Variants in MMEL1 observed in about 807,000 individuals in gnomAD.
The protein encoded by MMEL1 is membrane metalloendopeptidase like 1, also known as membrane metallo-endopeptidase-like 1.
MMEL1 carries 98 observed loss-of-function variants against 117.1 expected under a neutral mutation model. The observed-to-expected ratio is 0.84, with a 90% confidence interval of 0.71 to 0.99. The LOEUF (loss-of-function observed/expected upper bound fraction) is 0.99, where lower values mean the gene tolerates loss of function less well. Ranked by LOEUF, MMEL1 falls within the 50% of genes least tolerant of loss-of-function variation. The pLI is 0.00. For synonymous variants in MMEL1, 390 were observed against 415.1 expected (o/e 0.94, Z 0.74); for missense variants, 1,014 against 1,049.1 (o/e 0.97, Z 0.46).
chr1:2,604,033 C>T, intron 10 of MMEL1, 60 bp from the exon 11 acceptor site: 2 of 1,595,722 alleles, frequency 1.3e-6, no homozygotes, highest in Admixed American at 3.4e-5. Context: ...GGGCTCCTGG[C>T]CCAGTCCCTG....
chr1:2,614,234 C>T (rs999207065), intron 2 of MMEL1, among the ~76,000 whole-genome samples: 1 of 152,164 alleles, frequency 6.6e-6, no homozygotes, highest in Non-Finnish European at 1.5e-5. Context: ...AGACTCAAGA[C>T]AAATGTATAA....
rs1250158428 is a variant in MMEL1 at position 2,607,018 on chromosome 1, A to G, written c.587T>C (p.Val196Ala). 3 of 1,613,378 alleles carry G rather than the reference A, an allele frequency of 1.9e-6. No individual in the cohort carries two copies. The highest frequency in any genetic ancestry group is 1.1e-5 in the South Asian group (1 of 91,076). ...GTCCATCGCCACCGGCCAGCCTCCCACCACCTCCAAGATGTCCAGCAGGGG... is the reference window on the plus strand; with the variant it reads ...GTCCATCGCCACCGGCCAGCCTCCCGCCACCTCCAAGATGTCCAGCAGGGG... ...SQPLLDILEV[V>A]GGWPVAMDRW... The change falls in exon 7 of 24, where the codon GTG (valine) becomes GCG (alanine). Residue 196 changes from valine (V) to alanine (A), a missense_variant. By Grantham distance (64) the Val-to-Ala change is moderately conservative (BLOSUM62 0). Transcript: ENST00000378412.
At chr1:2,623,212 G>T (rs547005395) in intron 2 of MMEL1, among the ~76,000 whole-genome samples, 43 of 152,132 alleles carry the variant, frequency 2.8e-4, no homozygotes, top group Middle Eastern at 3.4e-3. Flanking sequence ...ATGTGAACAG[G>T]GTGGGTAGTG....
intron 5 of MMEL1, 87 bp downstream of exon 5, chr1:2,609,582 AG>A (rs752690762): frequency 2.7e-4 from 417 of 1,545,714 alleles, no homozygotes; most frequent in Admixed American, 5.1e-4. Flanking sequence ...AAGCACAAAC[AG>A]GGGCGAGACA....
intron 4 of MMEL1, among the ~76,000 whole-genome samples, chr1:2,610,538 G>C (rs1645108298): frequency 6.6e-6 from 1 of 152,172 alleles, no homozygotes; most frequent in African/African-American, 2.4e-5. Flanking sequence ...TTTCTGTTCT[G>C]ACTCTGCCCC....
Position 2,596,018 on chromosome 1 carries a change from C to A in MMEL1, c.1491G>T (p.Ala497=), listed in dbSNP as rs12406796. Residue 497 remains alanine, a synonymous_variant, in exon 15 of 24, where the codon GCG becomes GCT. Transcript: ENST00000378412. ...GWMDEESKKK[A]QEKAMSIREQ... ...TCTGCGAGCCACATACCTTCTCCTGCGCCTTCTTCTTGGACTCCTCGTCCA... is the reference window on the plus strand; with the variant it reads ...TCTGCGAGCCACATACCTTCTCCTGAGCCTTCTTCTTGGACTCCTCGTCCA... 6.2e-7 allele frequency: 1 copy of A among 1,613,748 alleles called. No individual in the cohort carries two copies. Among genetic ancestry groups the A allele is most frequent in the South Asian group, 1.1e-5 (1 of 91,078 alleles).
At chr1:2,602,449 A>G (rs773586958) in intron 11 of MMEL1, among the ~76,000 whole-genome samples, 12 of 152,124 alleles carry the variant, frequency 7.9e-5, no homozygotes, top group Non-Finnish European at 1.8e-4. Context: ...TTCCATATTT[A>G]GTCCTTTTGC....
chr1:2,600,205 T>C (rs576371444), intron 11 of MMEL1, among the ~76,000 whole-genome samples: 5 of 152,146 alleles, frequency 3.3e-5, no homozygotes, highest in African/African-American at 1.2e-4. Context: ...TGACCTCAGG[T>C]GATCCACCTG....
At chr1:2,591,690 T>TGGGGGGGGGGGCAGGGGGGGGG in intron 22 of MMEL1, 57 bp from the exon 23 acceptor site, 2 of 376,508 alleles carry the variant, frequency 5.3e-6, no homozygotes, top group Admixed American at 3.3e-5. Context: ...CCAGGAGGGG[T>TGGGGGGGGGGGCAGGGGGGGGG]GGGGGAGGGT....
At chr1:2,597,088 G>A (rs547097895) in intron 13 of MMEL1, among the ~76,000 whole-genome samples, 7 of 152,038 alleles carry the variant, frequency 4.6e-5, no homozygotes, top group African/African-American at 1.5e-4. Flanking sequence ...CAGGGCCCTG[G>A]TCTCTCCATT....
chr1:2,601,104 G>A (rs562555601), intron 11 of MMEL1, among the ~76,000 whole-genome samples: 1 of 152,282 alleles, frequency 6.6e-6, no homozygotes, highest in Admixed American at 6.5e-5. Flanking sequence ...GCAAATGGAA[G>A]GCAGATTTTA....
chr1:2,603,921 A>G lies in MMEL1; in HGVS notation c.1004T>C (p.Met335Thr). Residue 335 changes from methionine to threonine, a missense_variant, in exon 11 of 24, where the codon ATG (methionine) becomes ACG (threonine). By Grantham distance (81) the Met-to-Thr change is moderately conservative. Coordinates refer to ENST00000378412, the MANE Select transcript of MMEL1 (RefSeq NM_033467.4). ...RHDVIALYHR[M>T]GLEELQSQFG... Reference sequence around the variant, plus strand: ...CTGGCTTTGCAGCTCCTCCAGTCCCATCCGGTGGTACAAGGCGATGACGTC... The same window carrying G: ...CTGGCTTTGCAGCTCCTCCAGTCCCGTCCGGTGGTACAAGGCGATGACGTC... 1 of 1,613,816 alleles carries G rather than the reference A, an allele frequency of 6.2e-7. No homozygotes were observed. Among genetic ancestry groups the G allele is most frequent in the East Asian group, 2.2e-5 (1 of 44,852 alleles).
At chr1:2,618,963 T>C (rs1371261796) in intron 2 of MMEL1, among the ~76,000 whole-genome samples, 2 of 152,170 alleles carry the variant, frequency 1.3e-5, no homozygotes, top group East Asian at 1.9e-4. Flanking sequence ...GACTCCGTAG[T>C]TGCTCCCACA....
At chr1:2,609,313 G>A in intron 6 of MMEL1, 26 bp downstream of exon 6, 1 of 1,600,480 alleles carries the variant, frequency 6.2e-7, no homozygotes, top group Non-Finnish European at 8.5e-7. Flanking sequence ...CCCTGCCTCG[G>A]CCCCTTCCTG....
At chr1:2,593,527 C>T (rs3748819) in intron 19 of MMEL1, among the ~76,000 whole-genome samples, 66,863 of 152,032 alleles carry the variant, frequency 0.44, 16,394 homozygotes, top group African/African-American at 0.66. Context: ...GCAGTGTTGT[C>T]GTCCCCATGT....
chr1:2,605,075 T>G (rs1644999784), intron 9 of MMEL1, among the ~76,000 whole-genome samples: 1 of 152,168 alleles, frequency 6.6e-6, no homozygotes, highest in African/African-American at 2.4e-5. Context: ...CCTCCTCACC[T>G]GCTCCCTGTC....
At position 2,629,406 on chromosome 1, in the gene MMEL1, C is replaced by G. The variant is rs554112410; in HGVS notation, c.79G>C (p.Gly27Arg). The change falls in exon 2 of 24, where the codon GGG becomes CGG. Residue 27 changes from glycine to arginine, a missense_variant. Gly to Arg is a moderately radical substitution (Grantham distance 125). Coordinates refer to ENST00000378412, the MANE Select transcript of MMEL1 (RefSeq NM_033467.4). Reference sequence around the variant, plus strand: ...AGCAGCAGCAGCAGCAGCAGCCCCCCCTCCAGGAACCCCGGGCGCTTCTGC... The same window carrying G: ...AGCAGCAGCAGCAGCAGCAGCCCCCGCTCCAGGAACCCCGGGCGCTTCTGC... ...AGQKRPGFLE[G>R]GLLLLLLLVT... 41 of 1,546,402 alleles carry G rather than the reference C, an allele frequency of 2.7e-5. No individual in the cohort carries two copies. Among genetic ancestry groups the G allele is most frequent in the Middle Eastern group, 1.8e-4 (1 of 5,554 alleles).
At chr1:2,619,655 C>CAAAA (rs58007311) in intron 2 of MMEL1, among the ~76,000 whole-genome samples, 1 of 119,792 alleles carries the variant, frequency 8.3e-6, no homozygotes, top group Non-Finnish European at 1.8e-5. Flanking sequence ...GAGACTCTAT[C>CAAAA]AAAAAAAAAA....
chr1:2,599,727 G>T (rs1172499865), intron 11 of MMEL1, among the ~76,000 whole-genome samples: 2 of 152,152 alleles, frequency 1.3e-5, no homozygotes, highest in Middle Eastern at 3.4e-3. Flanking sequence ...GTGTGGTGGC[G>T]CATGCTGTAG....
Sources: gnomAD v4.1 joint callset for allele counts (sites outside exome capture counted in the v4.1 genomes callset) on GRCh38, gnomAD v4.1.1 for gene constraint, MANE v1.5 for transcripts, NCBI Gene and HGNC (gene_info 2026-07-23, HGNC 2026-07-21) for gene names.